The following MED15 variants were observed in gnomAD, a reference collection of about 807,000 sequenced individuals.
MED15 encodes mediator of RNA polymerase II transcription subunit 15.
In MED15, 41 loss-of-function variants were observed where a neutral mutation model predicts 118.7. The ratio of observed to expected loss-of-function variants is 0.35; its 90% confidence interval spans 0.27 to 0.45. MED15 has a LOEUF of 0.45. Ranked by LOEUF, MED15 falls within the 20% of genes least tolerant of loss-of-function variation. The pLI is 1.00. For missense variants in MED15, 740 were observed against 1,025.5 expected, an observed-to-expected ratio of 0.72 and a Z score of 3.80; for synonymous variants, 436 against 413.9, an observed-to-expected ratio of 1.05 and a Z score of -0.65.
chr22:20,552,933 A>G (rs964498308), intron 3 of MED15, among the ~76,000 whole-genome samples: 1 of 152,074 alleles, frequency 6.6e-6, no homozygotes, highest in East Asian at 1.9e-4. Flanking sequence ...CCCCAGGTTG[A>G]CCCTGGAGCT....
At chr22:20,510,034 T>C (rs1309417445) in intron 1 of MED15, among the ~76,000 whole-genome samples, 3 of 152,200 alleles carry the variant, frequency 2.0e-5, no homozygotes, top group African/African-American at 7.2e-5. Context: ...TCGATATTGC[T>C]GTTTGTGTGT....
At chr22:20,547,257 TTTTG>T (rs1263258233) in intron 2 of MED15, among the ~76,000 whole-genome samples, 2 of 152,384 alleles carry the variant, frequency 1.3e-5, no homozygotes, top group East Asian at 3.9e-4. Flanking sequence ...ACATTTTGCT[TTTTG>T]TTTCATTTTT....
At chr22:20,581,008 G>T (rs1265987303) in intron 9 of MED15, among the ~76,000 whole-genome samples, 5 of 152,200 alleles carry the variant, frequency 3.3e-5, no homozygotes, top group Admixed American at 6.5e-5. Flanking sequence ...CAAAGCAGTG[G>T]GAACAGTCCA....
chr22:20,551,543 G>T, intron 3 of MED15, 56 bp downstream of exon 3: 1 of 1,535,736 alleles, frequency 6.5e-7, no homozygotes, highest in South Asian at 1.1e-5. Flanking sequence ...GGCCAGCCCT[G>T]ACGCTGCCTC....
chr22:20,575,017 T>C (rs1312576341), intron 8 of MED15, 96 bp from the exon 9 acceptor site: 6 of 1,554,448 alleles, frequency 3.9e-6, no homozygotes, highest in Non-Finnish European at 5.2e-6. Flanking sequence ...GCCCTGGTGC[T>C]CCTTCTTGCA....
intron 9 of MED15, chr22:20,581,947 C>T (rs2056995917): frequency 6.6e-6 from 1 of 152,652 alleles, no homozygotes; most frequent in Admixed American, 6.5e-5. Context: ...GCTCTGGGCC[C>T]AGGTGTCTGA....
rs184772425 is a variant in MED15, at chr22:20,586,759, T to C, written c.*55T>C. 3 of 1,599,298 alleles carry C rather than the reference T, an allele frequency of 1.9e-6. No individual in the cohort carries two copies. The highest frequency in any genetic ancestry group is 2.7e-5 in the African/African-American group (2 of 74,864). ...ATCGGGGCCAAGGACACACGCCTCC[T>C]GTCAGACACTTCTAGGTGTTGGCTT... On this transcript the variant is annotated 3_prime_UTR_variant, in exon 18 of 18. Coordinates refer to ENST00000263205, the MANE Select transcript of MED15 (RefSeq NM_001003891.3).
intron 9 of MED15, among the ~76,000 whole-genome samples, chr22:20,581,194 G>C (rs1470147636): frequency 1.3e-5 from 2 of 152,218 alleles, no homozygotes; most frequent in Non-Finnish European, 2.9e-5. Flanking sequence ...GCACTGTCAG[G>C]CACAGCCCAT....
In MED15 at chr22:20,568,567, T is replaced by TGCAGCA; in HGVS notation, c.1096_1101dup (p.Gln366_Gln367dup). On this transcript the variant is annotated inframe_insertion, in exon 8 of 18. Transcript: ENST00000263205. ...CAGCAGCCCCCAGTGCAGCCCCAGGTGCAGCAGCAGCAGACAGCAGTACAG... is the reference window on the plus strand; with the variant it reads ...CAGCAGCCCCCAGTGCAGCCCCAGGTGCAGCAGCAGCAGCAGCAGACAGCAGTACAG... The TGCAGCA allele has an allele frequency of 6.2e-7, 1 of 1,613,634 alleles. No individual in the cohort carries two copies. Among genetic ancestry groups the TGCAGCA allele is most frequent in the South Asian group, 1.1e-5 (1 of 91,060 alleles).
At chr22:20,555,290 T>A in intron 5 of MED15, 142 bp downstream of exon 5, 2 of 980,510 alleles carry the variant, frequency 2.0e-6, no homozygotes, top group Non-Finnish European at 2.9e-6. Flanking sequence ...ATCTTTGTTG[T>A]ATGTGGAGAG....
chr22:20,557,014 A>G (rs528934885), intron 5 of MED15, among the ~76,000 whole-genome samples: 1 of 152,220 alleles, frequency 6.6e-6, no homozygotes, highest in African/African-American at 2.4e-5. Flanking sequence ...CATGAAGGAC[A>G]TTTGGGTTGT....
chr22:20,540,162 C>T (rs1229093078), intron 2 of MED15, among the ~76,000 whole-genome samples: 3 of 151,850 alleles, frequency 2.0e-5, no homozygotes, highest in Non-Finnish European at 4.4e-5. Context: ...AGAGGTTTAC[C>T]CAAGGGGGGC....
At chr22:20,524,936 C>T (rs2054580886) in intron 1 of MED15, among the ~76,000 whole-genome samples, 2 of 152,064 alleles carry the variant, frequency 1.3e-5, no homozygotes, top group Non-Finnish European at 2.9e-5. Context: ...TTGAGACGCT[C>T]CTGGGGGTCC....
At chr22:20,538,043 TTTACA>T (rs2055148625) in intron 2 of MED15, among the ~76,000 whole-genome samples, 1 of 152,216 alleles carries the variant, frequency 6.6e-6, no homozygotes, top group African/African-American at 2.4e-5. Context: ...CCCTTTAAAG[TTTACA>T]TTTCAGTGGT....
At chr22:20,515,805 C>G (rs2054232151) in intron 1 of MED15, among the ~76,000 whole-genome samples, 1 of 151,348 alleles carries the variant, frequency 6.6e-6, no homozygotes, top group South Asian at 2.1e-4. Context: ...AATATATAGA[C>G]CAACCTGGCC....
intron 9 of MED15, among the ~76,000 whole-genome samples, chr22:20,578,246 G>A (rs1483521104): frequency 6.6e-6 from 1 of 152,208 alleles, no homozygotes; most frequent in Non-Finnish European, 1.5e-5. Context: ...TTTTAAAGCA[G>A]GTTTGTTCAT....
At position 20,555,126 on chromosome 22, in the gene MED15, C is replaced by A. The variant is rs541457224; in HGVS notation, c.429C>A (p.Val143=). Residue 143 remains valine (V), a synonymous_variant, in exon 5 of 18, where the codon GTC becomes GTA. Coordinates refer to ENST00000263205, the MANE Select transcript of MED15 (RefSeq NM_001003891.3). ...GGATGGCCCCTCACAGCATGGCTGT[C>A]GTGTCTACGGCAACTCCACAGAGTG... is the stretch of plus-strand genomic sequence containing the variant. ...TSGMAPHSMA[V]VSTATPQTQL... 11 of 1,605,592 alleles carry A rather than the reference C, an allele frequency of 6.9e-6. No homozygotes were observed. In the East Asian group the frequency reaches 2.2e-4, roughly 33 times the overall value.
At chr22:20,548,080 C>T (rs1305101448) in intron 2 of MED15, among the ~76,000 whole-genome samples, 3 of 152,124 alleles carry the variant, frequency 2.0e-5, no homozygotes, top group Non-Finnish European at 4.4e-5. Context: ...TGGGTGTAAG[C>T]AATACTCCTA....
intron 9 of MED15, chr22:20,582,161 G>A (rs2057005370): frequency 8.9e-6 from 2 of 224,040 alleles, no homozygotes; most frequent in Non-Finnish European, 1.8e-5. Flanking sequence ...TCAGCCTGGG[G>A]GCTGCGGGGG....
Sources: gnomAD v4.1 joint callset for allele counts (sites outside exome capture counted in the v4.1 genomes callset) on GRCh38, gnomAD v4.1.1 for gene constraint, MANE v1.5 for transcripts, NCBI Gene and HGNC (gene_info 2026-07-23, HGNC 2026-07-21) for gene names.